Variants in KDM4C observed in about 807,000 individuals in gnomAD.
KDM4C encodes lysine-specific demethylase 4C.
A neutral mutation model predicts 129.3 loss-of-function variants in KDM4C; 81 were observed. That is an observed-to-expected ratio of 0.63 (90% CI 0.52 to 0.75). The LOEUF is 0.75. Ranked by LOEUF, KDM4C falls within the 30% of genes least tolerant of loss-of-function variation. The pLI is 0.00. For missense variants in KDM4C, 1,457 were observed against 1,304.0 expected, an observed-to-expected ratio of 1.12 and a Z score of -1.81; for synonymous variants, 573 against 456.1, an observed-to-expected ratio of 1.26 and a Z score of -3.26.
chr9:6,988,804 A>G, intron 11 of KDM4C, among the ~76,000 whole-genome samples: 1 of 151,192 alleles, frequency 6.6e-6, no homozygotes, highest in African/African-American at 2.4e-5. Flanking sequence ...CCAGATAATC[A>G]TATGTATGCA....
rs7032969 is a variant in KDM4C, at chr9:6,783,831, G to C, written c.-17-9141G>C. 1.2e-3 allele frequency among the ~76,000 whole-genome samples: 176 copies of C among 152,294 alleles called. 1 individual carries two copies. Among genetic ancestry groups the C allele is most frequent in the African/African-American group, 3.9e-3 (164 of 41,570 alleles). On this transcript the variant is annotated intron_variant, in intron 1 of 21. Coordinates refer to ENST00000381309, the MANE Select transcript of KDM4C (RefSeq NM_015061.6). Reference sequence around the variant, plus strand: ...TCTGGAGTGATTTCAATCCATTGGTGGAGGCAGACATCAGATTGCAGATGA... The same window carrying C: ...TCTGGAGTGATTTCAATCCATTGGTCGAGGCAGACATCAGATTGCAGATGA...
In KDM4C at chr9:7,115,003, C is replaced by T. The variant is rs1022975469; in HGVS notation, c.2610+11133C>T. Among the ~76,000 whole-genome samples the T allele has an allele frequency of 6.6e-4, 100 of 152,074 alleles. 5 individuals are homozygous for T. ...CTGAGGCTATAGGATCACTTGAGCC[C>T]AGGAGGTAAAGATTGCAGTGAGCCA... is the stretch of plus-strand genomic sequence containing the variant. On this transcript the variant is annotated intron_variant, in intron 18 of 21. Transcript: ENST00000381309.
chr9:6,958,981 C>A (rs181286288), intron 8 of KDM4C, among the ~76,000 whole-genome samples: 22 of 152,306 alleles, frequency 1.4e-4, no homozygotes, highest in African/African-American at 4.8e-4. Flanking sequence ...TATTAGAGCA[C>A]AGATGATAGG....
intron 17 of KDM4C, among the ~76,000 whole-genome samples, chr9:7,083,710 G>GGTGTGTGTGTGTGTGT (rs1257662179): frequency 0.01 from 675 of 65,510 alleles, 4 homozygotes; most frequent in Admixed American, 0.014. Flanking sequence ...GCACATGACT[G>GGTGTGTGTGTGTGTGT]ATGTGTGTGT....
intron 5 of KDM4C, among the ~76,000 whole-genome samples, chr9:6,866,448 G>C (rs1180402542): frequency 6.6e-6 from 1 of 152,110 alleles, no homozygotes; most frequent in African/African-American, 2.4e-5. Flanking sequence ...ATTCCCAGGA[G>C]ACCTGTGGGA....
At chr9:6,862,839 C>CAAACAAACAAACAAAA (rs1422210195) in intron 5 of KDM4C, among the ~76,000 whole-genome samples, 8 of 149,102 alleles carry the variant, frequency 5.4e-5, no homozygotes, top group Non-Finnish European at 1.2e-4. Context: ...AACAAACAAA[C>CAAACAAACAAACAAAA]AAAAAACAAA....
intron 19 of KDM4C, among the ~76,000 whole-genome samples, chr9:7,135,843 A>G (rs1841148750): frequency 6.6e-6 from 1 of 152,236 alleles, no homozygotes; most frequent in African/African-American, 2.4e-5. Context: ...TGGCCAAGAC[A>G]GTGGCAGACA....
chr9:6,940,054 C>T (rs1216881322), intron 8 of KDM4C, among the ~76,000 whole-genome samples: 1 of 134,416 alleles, frequency 7.4e-6, no homozygotes, highest in Non-Finnish European at 1.7e-5. Context: ...TCCCTCCTTC[C>T]CTCCTTCCCT....
chr9:7,046,583 T>C (rs1312628732), intron 15 of KDM4C, among the ~76,000 whole-genome samples: 2 of 152,014 alleles, frequency 1.3e-5, no homozygotes, highest in Admixed American at 1.3e-4. Flanking sequence ...GTGTCACAGC[T>C]TTCCTTTGAT....
chr9:6,854,552 A>C (rs1839460658), intron 5 of KDM4C, among the ~76,000 whole-genome samples: 1 of 151,134 alleles, frequency 6.6e-6, no homozygotes, highest in East Asian at 1.9e-4. Flanking sequence ...AAAACAAAAA[A>C]AAAACTAACT....
intron 18 of KDM4C, among the ~76,000 whole-genome samples, chr9:7,106,477 C>T (rs754475432): frequency 6.6e-6 from 1 of 152,124 alleles, no homozygotes; most frequent in African/African-American, 2.4e-5. Flanking sequence ...TGGAGGATGC[C>T]TGTATGATTT....
chr9:7,017,076 C>G (rs1275147506), intron 15 of KDM4C, among the ~76,000 whole-genome samples: 4 of 152,092 alleles, frequency 2.6e-5, no homozygotes, highest in Non-Finnish European at 5.9e-5. Flanking sequence ...GCTGGGACTA[C>G]AGGCATGCGC....
intron 8 of KDM4C, among the ~76,000 whole-genome samples, chr9:6,934,405 G>A (rs1022121528): frequency 9.9e-4 from 149 of 150,990 alleles, no homozygotes; most frequent in African/African-American, 3.4e-3. Context: ...GCGTGAACCC[G>A]GGAGGCGGAG....
At chr9:7,008,614 A>G (rs1822117010) in intron 12 of KDM4C, among the ~76,000 whole-genome samples, 1 of 152,226 alleles carries the variant, frequency 6.6e-6, no homozygotes, top group African/African-American at 2.4e-5. Context: ...CCAAACATCC[A>G]GGAACATCCC....
At chr9:6,859,859 C>G (rs1399570608) in intron 5 of KDM4C, among the ~76,000 whole-genome samples, 1 of 138,486 alleles carries the variant, frequency 7.2e-6, no homozygotes, top group East Asian at 2.0e-4. Context: ...AGCGAGACTC[C>G]GTCTCAAAAA....
chr9:6,787,632 C>G (rs746709840), intron 1 of KDM4C, among the ~76,000 whole-genome samples: 27 of 152,238 alleles, frequency 1.8e-4, no homozygotes, highest in Admixed American at 5.9e-4. Flanking sequence ...AATCTACAAT[C>G]TGAGCATTTC....
intron 18 of KDM4C, among the ~76,000 whole-genome samples, chr9:7,114,517 G>A (rs1263047758): frequency 1.3e-5 from 2 of 151,968 alleles, no homozygotes; most frequent in Non-Finnish European, 2.9e-5. Flanking sequence ...CTCAAAATAC[G>A]GTTTTAGTTC....
chr9:6,837,785 T>TCACAAACAAA (rs1836162431), intron 4 of KDM4C, among the ~76,000 whole-genome samples: 1 of 152,206 alleles, frequency 6.6e-6, no homozygotes. Flanking sequence ...TTTCACTATT[T>TCACAAACAAA]TGTTTGTCTT....
At chr9:7,151,119 T>A (rs1358705273) in intron 19 of KDM4C, among the ~76,000 whole-genome samples, 1 of 151,604 alleles carries the variant, frequency 6.6e-6, no homozygotes, top group African/African-American at 2.4e-5. Context: ...AAGACCAGCC[T>A]TGCCAACATA....
Sources: allele counts gnomAD v4.1 joint callset (sites outside exome capture counted in the v4.1 genomes callset), GRCh38; gene constraint gnomAD v4.1.1; transcripts MANE v1.5; gene names NCBI Gene and HGNC (gene_info 2026-07-23, HGNC 2026-07-21).